PARP15: variants seen among roughly 807,000 people sequenced by gnomAD.
PARP15 encodes protein mono-ADP-ribosyltransferase PARP15.
PARP15 carries 50 observed loss-of-function variants against 62.1 expected under a neutral mutation model. The observed-to-expected ratio is 0.81, with a 90% confidence interval of 0.64 to 1.02. PARP15 has a LOEUF of 1.02. Among genes scored for constraint, PARP15 ranks in the 50% least tolerant of loss-of-function variants. The pLI is 0.00. For missense variants in PARP15, 820 were observed against 826.5 expected, an observed-to-expected ratio of 0.99 and a Z score of 0.10; for synonymous variants, 309 against 293.1, an observed-to-expected ratio of 1.05 and a Z score of -0.55.
rs539098667 is a variant in PARP15 at position 122,621,252 on chromosome 3, T to G, written c.1064-192T>G. ...AGCACCCCAAATACTCAACAGTGTA[T>G]TTGTTGAGCTCGAGAATTCTGATTG... On this transcript the variant is annotated intron_variant, in intron 7 of 11. Transcript: ENST00000464300. 47 of 579,418 alleles carry G rather than the reference T, an allele frequency of 8.1e-5. No individual in the cohort carries two copies. The South Asian group carries it at 1.1e-3, about 13-fold the overall frequency. 35.9% of individuals were successfully genotyped at this position (579,418 alleles called of 1,614,324 possible).
chr3:122,615,857 G>A lies in PARP15; in HGVS notation c.850G>A (p.Gly284Ser), dbSNP rs1187475379. 1.2e-6 allele frequency: 2 copies of A among 1,610,740 alleles called. No homozygotes were observed. Among genetic ancestry groups the A allele is most frequent in the East Asian group, 2.2e-5 (1 of 44,848 alleles). The change falls in exon 5 of 12, where the codon GGT (glycine) becomes AGT (serine). Residue 284 changes from glycine to serine, a missense_variant and splice_region_variant. Transcript: ENST00000464300. ...ARIPMAGDTQ[G>S]VVGTVSKPCF... Reference sequence around the variant, plus strand: ...GATTCCCATGGCAGGAGATACCCAAGGTCTGGTAAAGTCGTTCTGCTAAGG... The same window carrying A: ...GATTCCCATGGCAGGAGATACCCAAAGTCTGGTAAAGTCGTTCTGCTAAGG...
At position 122,577,657 on chromosome 3, in the gene PARP15, G is replaced by C; in HGVS notation, c.-11G>C. On this transcript the variant is annotated 5_prime_UTR_variant, in exon 1 of 12. Transcript: ENST00000464300. ...TGGGTGGGGCGCAACTGCAGTCCCA[G>C]CGAGCTGAGGATGGCTGCGCCAGGC... The C allele has an allele frequency of 6.4e-7, 1 of 1,551,570 alleles. No homozygotes were observed. Among genetic ancestry groups the C allele is most frequent in the Non-Finnish European group, 8.7e-7 (1 of 1,146,934 alleles).
intron 10 of PARP15, among the ~76,000 whole-genome samples, chr3:122,632,723 C>A (rs532757144): frequency 1.3e-5 from 2 of 152,190 alleles, no homozygotes; most frequent in African/African-American, 4.8e-5. Flanking sequence ...AGTTACTGGA[C>A]GAGAATCCCA....
In PARP15 at chr3:122,604,787, G is replaced by A. The variant is rs560148390; in HGVS notation, c.187-1149G>A. Among the ~76,000 whole-genome samples, 3 of 152,278 alleles carry A rather than the reference G, an allele frequency of 2.0e-5. No homozygotes were observed. The East Asian group carries it at 5.8e-4, about 29-fold the overall frequency. On this transcript the variant is annotated intron_variant, in intron 1 of 11. Coordinates refer to ENST00000464300, the MANE Select transcript of PARP15 (RefSeq NM_001113523.3). The stretch of plus-strand genomic sequence containing the variant: ...GAGGCAGGAGAATCACTTGAACCCG[G>A]GAGGCAGAGGTTGCAGTGAGCCAAA...
In PARP15 at chr3:122,615,939, G is replaced by C. The variant is rs529072003; in HGVS notation, c.850+82G>C. ...TGGTAGTTGAAGTCCAGTAGAAGTAGGCAAAGCTAATTCACATGAAGAACA... is the reference window on the plus strand; with the variant it reads ...TGGTAGTTGAAGTCCAGTAGAAGTACGCAAAGCTAATTCACATGAAGAACA... On this transcript the variant is annotated intron_variant, in intron 5 of 11. Transcript: ENST00000464300. 7 of 1,351,978 alleles carry C rather than the reference G, an allele frequency of 5.2e-6. No individual in the cohort carries two copies. The South Asian group carries it at 7.5e-5, about 14-fold the overall frequency. The allele number at this position is 1,351,978 out of a possible 1,614,324, so 83.7% of individuals were successfully genotyped here.
At chr3:122,625,647 G>A (rs773361741) in intron 8 of PARP15, among the ~76,000 whole-genome samples, 18 of 152,200 alleles carry the variant, frequency 1.2e-4, no homozygotes, top group Non-Finnish European at 2.1e-4. Flanking sequence ...GAGGACATTA[G>A]GACGCTGCCA....
At chr3:122,633,389 G>A (rs1276379772) in intron 10 of PARP15, among the ~76,000 whole-genome samples, 2 of 152,206 alleles carry the variant, frequency 1.3e-5, no homozygotes, top group African/African-American at 4.8e-5. Context: ...ACCTCGTGGT[G>A]TTAAAAGCTG....
intron 10 of PARP15, among the ~76,000 whole-genome samples, chr3:122,633,631 A>G (rs1305332330): frequency 6.6e-6 from 1 of 152,200 alleles, no homozygotes; most frequent in African/African-American, 2.4e-5. Context: ...AGAAATCTAC[A>G]GATGATTGAA....
At chr3:122,616,731 C>G (rs1172777546) in intron 5 of PARP15, among the ~76,000 whole-genome samples, 1 of 152,120 alleles carries the variant, frequency 6.6e-6, no homozygotes, top group African/African-American at 2.4e-5. Context: ...CTTGACACCC[C>G]AGCAGCTCTT....
Position 122,580,719 on chromosome 3 carries a change from C to T in PARP15, c.186+2866C>T, listed in dbSNP as rs376192083. The stretch of plus-strand genomic sequence containing the variant: ...TTTTAAGGCTGAATAATATTTTATA[C>T]GTATATATAAACATATTTTGTTTAT... On this transcript the variant is annotated intron_variant, in intron 1 of 11. Transcript: ENST00000464300. 6.6e-5 allele frequency among the ~76,000 whole-genome samples: 10 copies of T among 152,214 alleles called. No individual in the cohort carries two copies. The East Asian group carries it at 7.7e-4, about 12-fold the overall frequency.
chr3:122,588,771 A>G (rs75920516), intron 1 of PARP15, among the ~76,000 whole-genome samples: 1,566 of 152,238 alleles, frequency 0.01, 23 homozygotes, highest in African/African-American at 0.035. Context: ...CCACTACTAT[A>G]CTTTCTGTCT....
In PARP15 at chr3:122,629,894, A is replaced by T. The variant is rs141088468; in HGVS notation, c.1439-2192A>T. Among the ~76,000 whole-genome samples, 18 of 152,286 alleles carry T rather than the reference A, an allele frequency of 1.2e-4. No individual in the cohort carries two copies. In the East Asian group the frequency reaches 3.5e-3, roughly 29 times the overall value. On this transcript the variant is annotated intron_variant, in intron 9 of 11. Coordinates refer to ENST00000464300, the MANE Select transcript of PARP15 (RefSeq NM_001113523.3). Reference sequence around the variant, plus strand: ...AATGCTGCCACTGATCTGACAGAAGACAGAGCTCAGGTGGTAATGTGAATG... The same window carrying T: ...AATGCTGCCACTGATCTGACAGAAGTCAGAGCTCAGGTGGTAATGTGAATG...
At chr3:122,592,418 A>C (rs1933996945) in intron 1 of PARP15, among the ~76,000 whole-genome samples, 1 of 152,110 alleles carries the variant, frequency 6.6e-6, no homozygotes, top group African/African-American at 2.4e-5. Context: ...GGAAGGGAAC[A>C]GCACACACTG....
chr3:122,628,371 C>A (rs1355347009), intron 9 of PARP15, among the ~76,000 whole-genome samples: 1 of 152,072 alleles, frequency 6.6e-6, no homozygotes, highest in Non-Finnish European at 1.5e-5. Context: ...AATAGCTGTT[C>A]CCCAGAGGAA....
At chr3:122,604,722 G>A (rs1262327811) in intron 1 of PARP15, among the ~76,000 whole-genome samples, 1 of 152,172 alleles carries the variant, frequency 6.6e-6, no homozygotes, top group African/African-American at 2.4e-5. Flanking sequence ...TTAGACGGGA[G>A]TGGTGGCGAG....
intron 6 of PARP15, among the ~76,000 whole-genome samples, chr3:122,618,579 T>C (rs1304653632): frequency 6.6e-6 from 1 of 152,172 alleles, no homozygotes; most frequent in Admixed American, 6.5e-5. Flanking sequence ...TCCAGATCAG[T>C]AGCAGTTAGA....
intron 1 of PARP15, 100 bp from the exon 2 acceptor site, chr3:122,605,836 C>T (rs1228841294): frequency 1.6e-6 from 2 of 1,260,980 alleles, no homozygotes; most frequent in Non-Finnish European, 2.2e-6. Flanking sequence ...CCCACCTAGT[C>T]TTCCAAAGTG....
chr3:122,629,939 A>C (rs990618093), intron 9 of PARP15, among the ~76,000 whole-genome samples: 1 of 152,210 alleles, frequency 6.6e-6, no homozygotes, highest in Non-Finnish European at 1.5e-5. Flanking sequence ...AGCTATAAAT[A>C]CAAATGAAGC....
intron 8 of PARP15, among the ~76,000 whole-genome samples, chr3:122,624,393 C>T (rs538698512): frequency 6.6e-6 from 1 of 152,222 alleles, no homozygotes; most frequent in East Asian, 1.9e-4. Flanking sequence ...CCAGGACTTT[C>T]CTGGTTTTAA....
Sources: gnomAD v4.1 joint callset for allele counts (sites outside exome capture counted in the v4.1 genomes callset) on GRCh38, gnomAD v4.1.1 for gene constraint, MANE v1.5 for transcripts, NCBI Gene and HGNC (gene_info 2026-07-23, HGNC 2026-07-21) for gene names.